The following ARHGAP24 variants were observed in gnomAD, a reference collection of about 807,000 sequenced individuals.
ARHGAP24 encodes the protein Rho GTPase activating protein 24.
Under a neutral mutation model 76.4 loss-of-function variants are expected in ARHGAP24, and 50 were observed. That is an observed-to-expected ratio of 0.65 (90% CI 0.52 to 0.83). The LOEUF is 0.83. Among genes scored for constraint, ARHGAP24 ranks in the 40% least tolerant of loss-of-function variants. The probability of loss-of-function intolerance (pLI) is 0.00; values close to 1 mark genes in which losing one functional copy is unlikely to be tolerated. For synonymous variants in ARHGAP24, 345 were observed against 323.3 expected (o/e 1.07, Z -0.72); for missense variants, 930 against 914.2 (o/e 1.02, Z -0.22).
chr4:85,613,332 G>A (rs1206583162), intron 2 of ARHGAP24, among the ~76,000 whole-genome samples: 3 of 152,114 alleles, frequency 2.0e-5, no homozygotes, highest in African/African-American at 7.2e-5. Context: ...CATTTTAACT[G>A]CTATATAATA....
chr4:85,554,209 A>T (rs1361033595), intron 1 of ARHGAP24, among the ~76,000 whole-genome samples: 1 of 138,332 alleles, frequency 7.2e-6, no homozygotes, highest in Non-Finnish European at 1.6e-5. Context: ...TAGGTCACCT[A>T]TGCCTTCTCT....
Position 85,803,370 on chromosome 4 carries a change from T to G in ARHGAP24, c.268+81398T>G, listed in dbSNP as rs78358310. On this transcript the variant is annotated intron_variant, in intron 3 of 9. Transcript: ENST00000395184. ...GCTAGTAATATTGTTCTTAACTAAA[T>G]TAGAGCTTAATTCATTTGCTGTCTA... 9.9e-3 allele frequency among the ~76,000 whole-genome samples: 1,509 copies of G among 152,298 alleles called. 29 individuals carry two copies. The highest frequency in any genetic ancestry group is 0.034 in the African/African-American group (1,410 of 41,570).
At chr4:85,736,659 A>G (rs76364603) in intron 3 of ARHGAP24, among the ~76,000 whole-genome samples, 23,853 of 152,192 alleles carry the variant, frequency 0.16, 2,284 homozygotes, top group East Asian at 0.36. Context: ...GATCAAGTCC[A>G]TTATTGAAGC....
chr4:85,857,379 G>A (rs546364785), intron 3 of ARHGAP24, among the ~76,000 whole-genome samples: 35 of 152,298 alleles, frequency 2.3e-4, no homozygotes, highest in Non-Finnish European at 3.5e-4. Context: ...TAGGAAAAGA[G>A]TATCCACATA....
intron 3 of ARHGAP24, among the ~76,000 whole-genome samples, chr4:85,791,715 C>T (rs1728137448): frequency 6.6e-6 from 1 of 152,204 alleles, no homozygotes; most frequent in Non-Finnish European, 1.5e-5. Context: ...AAGGACTCTG[C>T]TGACCCACAT....
intron 2 of ARHGAP24, among the ~76,000 whole-genome samples, chr4:85,582,921 C>T (rs1055414053): frequency 2.6e-5 from 4 of 152,174 alleles, no homozygotes; most frequent in South Asian, 2.1e-4. Flanking sequence ...TGTGGCTGGT[C>T]GGAAACTGCA....
chr4:85,793,570 A>C (rs1171692918), intron 3 of ARHGAP24, among the ~76,000 whole-genome samples: 1 of 152,202 alleles, frequency 6.6e-6, no homozygotes, highest in East Asian at 1.9e-4. Context: ...CTGTCATCAC[A>C]TTATATTTTT....
Position 85,733,643 on chromosome 4 carries a change from T to A in ARHGAP24, c.268+11671T>A, listed in dbSNP as rs926511410. 3.3e-5 allele frequency among the ~76,000 whole-genome samples: 5 copies of A among 152,136 alleles called. No individual in the cohort carries two copies. The East Asian group carries it at 9.7e-4, about 30-fold the overall frequency. On this transcript the variant is annotated intron_variant, in intron 3 of 9. Coordinates refer to ENST00000395184, the MANE Select transcript of ARHGAP24 (RefSeq NM_001025616.3). ...TTCTCAGGATTCTGGAGGCTAGAAG[T>A]TCAAGATCAAGGTGTCAGCTGGGTT... is the stretch of plus-strand genomic sequence containing the variant.
intron 1 of ARHGAP24, among the ~76,000 whole-genome samples, chr4:85,507,993 A>C (rs1724132672): frequency 6.6e-6 from 1 of 152,150 alleles, no homozygotes; most frequent in Non-Finnish European, 1.5e-5. Flanking sequence ...CTATGAATAA[A>C]GTTGATGTGC....
chr4:85,732,014 C>T (rs1279306843), intron 3 of ARHGAP24, among the ~76,000 whole-genome samples: 1 of 152,192 alleles, frequency 6.6e-6, no homozygotes, highest in Admixed American at 6.5e-5. Context: ...TAAATGTGAT[C>T]TTTCCCATTG....
chr4:85,619,962 A>T (rs1246922449), intron 2 of ARHGAP24, among the ~76,000 whole-genome samples: 1 of 151,850 alleles, frequency 6.6e-6, no homozygotes, highest in Non-Finnish European at 1.5e-5. Flanking sequence ...TATTTATTAC[A>T]TTTATTGTTT....
chr4:85,888,660 G>A (rs557391973), intron 3 of ARHGAP24, among the ~76,000 whole-genome samples: 1 of 151,898 alleles, frequency 6.6e-6, no homozygotes, highest in Non-Finnish European at 1.5e-5. Context: ...TACATGTGCA[G>A]GTTTGTTAAC....
intron 1 of ARHGAP24, among the ~76,000 whole-genome samples, chr4:85,484,709 T>A (rs914658447): frequency 2.0e-5 from 3 of 152,056 alleles, no homozygotes; most frequent in African/African-American, 4.8e-5. Flanking sequence ...TTCCACCTCC[T>A]GGGTTCAAGC....
intron 3 of ARHGAP24, among the ~76,000 whole-genome samples, chr4:85,766,949 C>T (rs1054168170): frequency 6.6e-6 from 1 of 152,072 alleles, no homozygotes; most frequent in Non-Finnish European, 1.5e-5. Context: ...CGTATTTTTA[C>T]TATGTCTTTT....
At chr4:85,718,957 C>T (rs1403325483) in intron 2 of ARHGAP24, among the ~76,000 whole-genome samples, 1 of 152,076 alleles carries the variant, frequency 6.6e-6, no homozygotes, top group Non-Finnish European at 1.5e-5. Flanking sequence ...ATGTACAATT[C>T]AAGATCTTAA....
intron 4 of ARHGAP24, among the ~76,000 whole-genome samples, chr4:85,930,118 G>A (rs902405652): frequency 9.9e-5 from 15 of 152,186 alleles, no homozygotes; most frequent in East Asian, 3.9e-4. Flanking sequence ...AGGAGCAACC[G>A]CAGCCCTGCC....
intron 3 of ARHGAP24, among the ~76,000 whole-genome samples, chr4:85,784,279 A>G (rs145489592): frequency 2.3e-3 from 349 of 148,698 alleles, no homozygotes; most frequent in African/African-American, 8.4e-3. Context: ...TGCATAGCCT[A>G]TGGCTCTGCC....
chr4:85,834,884 A>AT (rs1293870735), intron 3 of ARHGAP24, among the ~76,000 whole-genome samples: 2 of 152,214 alleles, frequency 1.3e-5, no homozygotes, highest in Admixed American at 6.5e-5. Context: ...CACTTTTCAA[A>AT]TATCTCCAAG....
chr4:85,922,642 A>G (rs922714013), intron 3 of ARHGAP24, among the ~76,000 whole-genome samples: 4 of 152,148 alleles, frequency 2.6e-5, no homozygotes, highest in Middle Eastern at 3.2e-3. Context: ...TGTGAGCAAC[A>G]CTATTTTCAA....
Sources: gnomAD v4.1 joint callset for allele counts (sites outside exome capture counted in the v4.1 genomes callset) on GRCh38, gnomAD v4.1.1 for gene constraint, MANE v1.5 for transcripts, NCBI Gene and HGNC (gene_info 2026-07-23, HGNC 2026-07-21) for gene names.